PUS10: variants seen among roughly 807,000 people sequenced by gnomAD.
PUS10 encodes the protein tRNA pseudouridine synthase Pus10.
PUS10 carries 59 observed loss-of-function variants against 75.0 expected under a neutral mutation model. The ratio of observed to expected loss-of-function variants is 0.79; its 90% CI spans 0.64 to 0.98. PUS10 has a LOEUF of 0.98. Among genes scored for constraint, PUS10 ranks in the 50% least tolerant of loss-of-function variants. The pLI, the probability that PUS10 is intolerant of heterozygous loss-of-function variation, is 0.00. For missense variants in PUS10, 650 were observed against 614.4 expected, an observed-to-expected ratio of 1.06 and a Z score of -0.61; for synonymous variants, 219 against 211.6, an observed-to-expected ratio of 1.03 and a Z score of -0.30.
At chr2:60,987,241 G>A (rs1021916548) in intron 4 of PUS10, among the ~76,000 whole-genome samples, 1 of 152,140 alleles carries the variant, frequency 6.6e-6, no homozygotes, top group Non-Finnish European at 1.5e-5. Context: ...GAATGACCAA[G>A]GCAGATTTAA....
At chr2:61,011,693 T>C in intron 2 of PUS10, 72 bp downstream of exon 2, 1 of 1,176,868 alleles carries the variant, frequency 8.5e-7, no homozygotes, top group Non-Finnish European at 1.1e-6. Flanking sequence ...CCCTCAAAAG[T>C]ACAAGCATTC....
chr2:60,997,794 G>C (rs1297859025), intron 4 of PUS10, among the ~76,000 whole-genome samples: 2 of 152,068 alleles, frequency 1.3e-5, no homozygotes, highest in African/African-American at 4.8e-5. Flanking sequence ...GAACTGAAGG[G>C]AGTTCTAAAC....
rs751093961 is a variant in PUS10, at chr2:60,945,003, G to A, written c.1551+6C>T. Reference sequence around the variant, plus strand: ...CCAATGTGCATTCCACAACAAAATGGTTTACCTCAACATCCAGCTCCAGAA... The same window carrying A: ...CCAATGTGCATTCCACAACAAAATGATTTACCTCAACATCCAGCTCCAGAA... On this transcript the variant is annotated splice_donor_region_variant and intron_variant, in intron 17 of 17. Transcript: ENST00000316752. 2 of 1,607,872 alleles carry A rather than the reference G, an allele frequency of 1.2e-6. No homozygotes were observed. The highest frequency in any genetic ancestry group is 1.1e-5 in the South Asian group (1 of 90,994).
intron 17 of PUS10, among the ~76,000 whole-genome samples, chr2:60,943,982 C>T (rs777384177): frequency 6.6e-6 from 1 of 151,884 alleles, no homozygotes; most frequent in Non-Finnish European, 1.5e-5. Flanking sequence ...AACAAAAAAA[C>T]GCCAGGCATA....
At chr2:60,956,047 T>C (rs1675628371) in intron 11 of PUS10, among the ~76,000 whole-genome samples, 1 of 151,866 alleles carries the variant, frequency 6.6e-6, no homozygotes, top group East Asian at 1.9e-4. Context: ...CTGCGATAAG[T>C]TGATCGTCAC....
chr2:60,970,132 T>C (rs1479745174), intron 5 of PUS10, among the ~76,000 whole-genome samples: 3 of 151,378 alleles, frequency 2.0e-5, no homozygotes, highest in South Asian at 2.1e-4. Flanking sequence ...ATTAGCAACA[T>C]AGATATAAAT....
intron 15 of PUS10, among the ~76,000 whole-genome samples, chr2:60,950,320 G>C (rs1203037001): frequency 6.6e-6 from 1 of 152,122 alleles, no homozygotes; most frequent in Non-Finnish European, 1.5e-5. Context: ...GCTCCTATGA[G>C]TCATAGATAT....
chr2:61,004,487 G>C (rs186874394), intron 4 of PUS10, among the ~76,000 whole-genome samples: 1 of 151,932 alleles, frequency 6.6e-6, no homozygotes, highest in African/African-American at 2.4e-5. Context: ...AAATTAGCCG[G>C]GCATGGTGGC....
At chr2:60,984,479 C>T (rs1677598548) in intron 4 of PUS10, among the ~76,000 whole-genome samples, 1 of 152,118 alleles carries the variant, frequency 6.6e-6, no homozygotes, top group Non-Finnish European at 1.5e-5. Flanking sequence ...ACTGGTACCA[C>T]CTTTTAGGAG....
intron 8 of PUS10, among the ~76,000 whole-genome samples, chr2:60,964,479 A>ACAT (rs1478707338): frequency 6.6e-6 from 1 of 152,224 alleles, no homozygotes; most frequent in African/African-American, 2.4e-5. Context: ...ACATGATACG[A>ACAT]GCTAAGAGTG....
At chr2:60,948,985 T>C (rs1675167906) in intron 15 of PUS10, among the ~76,000 whole-genome samples, 1 of 152,304 alleles carries the variant, frequency 6.6e-6, no homozygotes, top group East Asian at 1.9e-4. Context: ...GGTTCTTGAG[T>C]GCCGGAAGGC....
intron 8 of PUS10, among the ~76,000 whole-genome samples, chr2:60,964,285 T>C (rs1676204385): frequency 6.6e-6 from 1 of 152,248 alleles, no homozygotes; most frequent in South Asian, 2.1e-4. Context: ...GCCCAGCAAT[T>C]AGTCAAAGCA....
intron 16 of PUS10, 74 bp downstream of exon 16, chr2:60,947,969 G>C (rs1675073293): frequency 1.9e-6 from 3 of 1,545,296 alleles, no homozygotes; most frequent in East Asian, 2.3e-5. Context: ...AGCTGACCCT[G>C]TTTTCTAGGG....
intron 4 of PUS10, among the ~76,000 whole-genome samples, chr2:60,989,391 T>C (rs1677934050): frequency 6.6e-6 from 1 of 152,174 alleles, no homozygotes; most frequent in Non-Finnish European, 1.5e-5. Flanking sequence ...TTGAGTCTTT[T>C]GAGTCACATT....
chr2:61,008,984 T>G lies in PUS10; in HGVS notation c.158A>C (p.Glu53Ala). 5 of 1,612,400 alleles carry G rather than the reference T, an allele frequency of 3.1e-6. No individual in the cohort carries two copies. The highest frequency in any genetic ancestry group is 4.2e-6 in the Non-Finnish European group (5 of 1,179,504). ...CAAAATTAATTCATCTTTTTCAGTT[T>G]CCAGAAATTTCTGTAGTTCATTGAG... ...ELLNELQKFLETEKDELILEV... is the reference protein window; with the variant it reads ...ELLNELQKFLATEKDELILEV... The change falls in exon 3 of 18, where the codon GAA becomes GCA. Residue 53 changes from glutamate (E) to alanine (A), a missense_variant. Coordinates refer to ENST00000316752, the MANE Select transcript of PUS10 (RefSeq NM_144709.4).
chr2:60,985,735 A>G (rs1256362051), intron 4 of PUS10, among the ~76,000 whole-genome samples: 1 of 152,124 alleles, frequency 6.6e-6, no homozygotes, highest in Non-Finnish European at 1.5e-5. Flanking sequence ...TCCTGGCCTC[A>G]AGCAATCCAC....
Position 61,003,429 on chromosome 2 carries a change from T to C in PUS10, c.468+3128A>G, listed in dbSNP as rs1011701391. Among the ~76,000 whole-genome samples the C allele has an allele frequency of 6.3e-5, 9 of 143,104 alleles. No homozygotes were observed. The East Asian group carries it at 1.9e-3, about 30-fold the overall frequency. 93.9% of individuals were successfully genotyped at this position (143,104 alleles called of 152,430 possible). On this transcript the variant is annotated intron_variant, in intron 4 of 17. Coordinates refer to ENST00000316752, the MANE Select transcript of PUS10 (RefSeq NM_144709.4). Reference sequence around the variant, plus strand: ...GTGAGCAGAGACTGCGCCACTGCACTCCAGCCTGGCTGACAGAACAAGACC... The same window carrying C: ...GTGAGCAGAGACTGCGCCACTGCACCCCAGCCTGGCTGACAGAACAAGACC...
intron 4 of PUS10, among the ~76,000 whole-genome samples, chr2:60,975,278 C>G (rs953713756): frequency 6.6e-6 from 1 of 152,086 alleles, no homozygotes; most frequent in Non-Finnish European, 1.5e-5. Flanking sequence ...TCCCGAGTAG[C>G]TGGGACTACA....
At chr2:60,980,911 A>G (rs533527311) in intron 4 of PUS10, among the ~76,000 whole-genome samples, 9 of 152,252 alleles carry the variant, frequency 5.9e-5, no homozygotes, top group African/African-American at 2.2e-4. Context: ...TTTTTTTATG[A>G]GACAGAGACT....
Sources: gnomAD v4.1 joint callset for allele counts (sites outside exome capture counted in the v4.1 genomes callset) on GRCh38, gnomAD v4.1.1 for gene constraint, MANE v1.5 for transcripts, NCBI Gene and HGNC (gene_info 2026-07-23, HGNC 2026-07-21) for gene names.